ZFAND2B: variants seen among roughly 807,000 people sequenced by gnomAD.
The protein encoded by ZFAND2B is zinc finger AN1-type containing 2B, also known as AN1-type zinc finger protein 2B.
A neutral mutation model predicts 38.2 loss-of-function variants in ZFAND2B; 27 were observed. The ratio of observed to expected loss-of-function variants is 0.71; its 90% CI spans 0.52 to 0.97. The LOEUF is 0.97. ZFAND2B is among the 50% of genes least tolerant of loss of function. The pLI, the probability that ZFAND2B is intolerant of heterozygous loss-of-function variation, is 0.00. For synonymous variants in ZFAND2B, 111 were observed against 119.4 expected, an observed-to-expected ratio of 0.93 and a Z score of 0.46; for missense variants, 303 against 331.5, an observed-to-expected ratio of 0.91 and a Z score of 0.67.
intron 7 of ZFAND2B, 165 bp downstream of exon 7, chr2:219,208,804 C>G (rs1349412748): frequency 1.3e-4 from 137 of 1,019,608 alleles, no homozygotes; most frequent in South Asian, 1.5e-5. Context: ...ACCCATGGAG[C>G]CTTCATTTCC....
chr2:219,209,451 A>T lies in ZFAND2B; in HGVS notation c.*145A>T, dbSNP rs1449412889. The T allele has an allele frequency of 5.3e-6, 5 of 950,462 alleles. No homozygotes were observed. The highest frequency in any genetic ancestry group is 1.6e-5 in the African/African-American group (1 of 61,424). The allele number at this position is 950,462 out of a possible 1,614,324, so 58.9% of individuals were successfully genotyped here. On this transcript the variant is annotated 3_prime_UTR_variant, in exon 9 of 9. Coordinates refer to ENST00000289528, the MANE Select transcript of ZFAND2B (RefSeq NM_138802.3). ...GGAGGTCGCCCTGGGAGCCTCTGGA[A>T]GGCCTTGCTAGTGCTCCAGCTGCAT...
Position 219,207,954 on chromosome 2 carries a change from G to T in ZFAND2B, c.350G>T (p.Arg117Leu). Residue 117 changes from arginine to leucine, a missense_variant, in exon 4 of 9, where the codon CGC (arginine) becomes CTC (leucine). Transcript: ENST00000289528. ...GAAATGATGAAACTGACCTGTGAACGCTGTAGCCGAAACTTCTGCATCAAG... is the reference window on the plus strand; with the variant it reads ...GAAATGATGAAACTGACCTGTGAACTCTGTAGCCGAAACTTCTGCATCAAG... The part of the protein sequence containing the change: ...QREMMKLTCE[R>L]CSRNFCIKHR... 6.2e-7 allele frequency: 1 copy of T among 1,614,146 alleles called. No individual in the cohort carries two copies. Among genetic ancestry groups the T allele is most frequent in the Non-Finnish European group, 8.5e-7 (1 of 1,180,024 alleles).
intron 2 of ZFAND2B, 84 bp from the exon 3 acceptor site, chr2:219,207,564 G>T (rs541046019): frequency 7.5e-6 from 12 of 1,596,484 alleles, no homozygotes; most frequent in Non-Finnish European, 1.0e-5. Context: ...CGTGTTTGTG[G>T]TGGGTCATAT....
chr2:219,208,223 T>C (rs772321273), intron 4 of ZFAND2B, 33 bp from the exon 5 acceptor site: 1 of 1,612,962 alleles, frequency 6.2e-7, no homozygotes, highest in Admixed American at 1.7e-5. Flanking sequence ...GGCTAGTTCT[T>C]GGAGACATGC....
At position 219,206,861 on chromosome 2, in the gene ZFAND2B, C is replaced by A; in HGVS notation, c.-127C>A. On this transcript the variant is annotated 5_prime_UTR_variant, in exon 1 of 9. Transcript: ENST00000289528. ...GGGGGCTCCGGTAACCCGGGCTGGG[C>A]GGGGGAGAGGAAGGGGCGGGGCAGG... 2 of 1,054,696 alleles carry A rather than the reference C, an allele frequency of 1.9e-6. No homozygotes were observed. The highest frequency in any genetic ancestry group is 2.7e-6 in the Non-Finnish European group (2 of 750,238). The allele number at this position is 1,054,696 out of a possible 1,614,324, so 65.3% of individuals were successfully genotyped here.
At chr2:219,207,581 T>A in intron 2 of ZFAND2B, 67 bp from the exon 3 acceptor site, 1 of 1,602,708 alleles carries the variant, frequency 6.2e-7, no homozygotes, top group Non-Finnish European at 8.5e-7. Context: ...ATATCCAAGT[T>A]CTTTCAGGAC....
At chr2:219,207,579 G>C in intron 2 of ZFAND2B, 69 bp from the exon 3 acceptor site, 3 of 1,602,672 alleles carry the variant, frequency 1.9e-6, no homozygotes, top group Non-Finnish European at 2.6e-6. Flanking sequence ...TCATATCCAA[G>C]TTCTTTCAGG....
chr2:219,206,850 C>T lies in ZFAND2B; in HGVS notation c.-138C>T. The T allele has an allele frequency of 1.1e-6, 1 of 934,148 alleles. No individual in the cohort carries two copies. Among genetic ancestry groups the T allele is most frequent in the African/African-American group, 1.8e-5 (1 of 56,890 alleles). The allele number at this position is 934,148 out of a possible 1,614,324, so 57.9% of individuals were successfully genotyped here. On this transcript the variant is annotated 5_prime_UTR_variant, in exon 1 of 9. Transcript: ENST00000289528. The stretch of plus-strand genomic sequence containing the variant: ...CCGGCTGGCGCGGGGGCTCCGGTAA[C>T]CCGGGCTGGGCGGGGGAGAGGAAGG...
chr2:219,206,868 G>C lies in ZFAND2B; in HGVS notation c.-120G>C. 8.8e-7 allele frequency: 1 copy of C among 1,132,344 alleles called. No individual in the cohort carries two copies. The highest frequency in any genetic ancestry group is 1.2e-6 in the Non-Finnish European group (1 of 810,950). The allele number at this position is 1,132,344 out of a possible 1,614,324, so 70.1% of individuals were successfully genotyped here. On this transcript the variant is annotated 5_prime_UTR_variant, in exon 1 of 9. Transcript: ENST00000289528. ...CCGGTAACCCGGGCTGGGCGGGGGA[G>C]AGGAAGGGGCGGGGCAGGGAGCCCG... is the stretch of plus-strand genomic sequence containing the variant.
chr2:219,207,002 C>A lies in ZFAND2B; in HGVS notation c.15C>A (p.Asp5Glu). The change falls in exon 1 of 9, where the codon GAC becomes GAA. Residue 5 changes from aspartate (D) to glutamate (E), a missense_variant. By Grantham distance (45) the Asp-to-Glu change is conservative. Coordinates refer to ENST00000289528, the MANE Select transcript of ZFAND2B (RefSeq NM_138802.3). ...CCGGCTTGGCGATGGAGTTTCCGGACCTCGGCGCTCACTGTTCGGAGCCGA... is the reference window on the plus strand; with the variant it reads ...CCGGCTTGGCGATGGAGTTTCCGGAACTCGGCGCTCACTGTTCGGAGCCGA... Reference protein sequence around the residue: MEFPDLGAHCSEPSC... With the variant: MEFPELGAHCSEPSC... 1 of 1,612,124 alleles carries A rather than the reference C, an allele frequency of 6.2e-7. No individual in the cohort carries two copies. The highest frequency in any genetic ancestry group is 1.1e-5 in the South Asian group (1 of 90,788).
intron 1 of ZFAND2B, 71 bp from the exon 2 acceptor site, chr2:219,207,256 G>C: frequency 6.5e-7 from 1 of 1,532,284 alleles, no homozygotes; most frequent in African/African-American, 1.4e-5. Flanking sequence ...TCCTTCCCGA[G>C]TGGAAGACTT....
Position 219,207,747 on chromosome 2 carries a change from T to G in ZFAND2B, c.250T>G (p.Cys84Gly). 6.2e-7 allele frequency: 1 copy of G among 1,614,124 alleles called. No homozygotes were observed. The highest frequency in any genetic ancestry group is 8.5e-7 in the Non-Finnish European group (1 of 1,180,030). The stretch of plus-strand genomic sequence containing the variant: ...TGTGGGAGAGCACATTGACAGAGAC[T>G]GTCGCTCTGATCCAGCACAGCAAAA... ...RAVGEHIDRD[C>G]RSDPAQQKRK... Residue 84 changes from cysteine to glycine, a missense_variant, in exon 3 of 9, where the codon TGT (cysteine) becomes GGT (glycine). By Grantham distance (159) the Cys-to-Gly change is radical. Coordinates refer to ENST00000289528, the MANE Select transcript of ZFAND2B (RefSeq NM_138802.3).
In ZFAND2B at chr2:219,207,354, G is replaced by C; in HGVS notation, c.83G>C (p.Cys28Ser). ...TTTCTGCCGCTTAAGTGTGATGCCT[G>C]CTCAGGCATCTTCTGCGCAGACCAT... ...LDFLPLKCDA[C>S]SGIFCADHVA... The change falls in exon 2 of 9, where the codon TGC becomes TCC. Residue 28 changes from cysteine (C) to serine (S), a missense_variant. Cys to Ser is a moderately radical substitution (Grantham distance 112). Coordinates refer to ENST00000289528, the MANE Select transcript of ZFAND2B (RefSeq NM_138802.3). 6.2e-7 allele frequency: 1 copy of C among 1,613,952 alleles called. No homozygotes were observed. The highest frequency in any genetic ancestry group is 8.5e-7 in the Non-Finnish European group (1 of 1,179,800).
Position 219,209,306 on chromosome 2 carries a change from G to C in ZFAND2B, c.774G>C (p.Ter258TyrextTer52). The change falls in exon 9 of 9, where the codon TAG (stop) becomes TAC (tyrosine). Residue 258 changes from the stop codon to tyrosine (Y), a stop_lost. Transcript: ENST00000289528. ...SSKPSNCSLC[*>Y] ...AGCCGTCCAACTGCAGCCTGTGCTA[G>C]GGCCCTGGGCTTGGGGAGGGAGGTT... The C allele has an allele frequency of 6.2e-7, 1 of 1,610,550 alleles. No individual in the cohort carries two copies. The highest frequency in any genetic ancestry group is 1.1e-5 in the South Asian group (1 of 89,994).
At position 219,208,319 on chromosome 2, in the gene ZFAND2B, A is replaced by C; in HGVS notation, c.498A>C (p.Gln166His). Residue 166 changes from glutamine (Q) to histidine (H), a missense_variant, in exon 5 of 9, where the codon CAA becomes CAC. Physicochemically the swap from Gln to His is conservative, Grantham distance 24. Coordinates refer to ENST00000289528, the MANE Select transcript of ZFAND2B (RefSeq NM_138802.3). ...ASTSTVPSPS[Q>H]TMPSCTSPSR... ...CAAGCACTGTCCCCAGCCCAAGTCA[A>C]ACCATGCCTTCCTGTACCTCTCCCA... 6.2e-7 allele frequency: 1 copy of C among 1,614,148 alleles called. No individual in the cohort carries two copies.
rs779391985 is a variant in ZFAND2B at position 219,208,321 on chromosome 2, C to A, written c.500C>A (p.Thr167Asn). 6.2e-7 allele frequency: 1 copy of A among 1,614,194 alleles called. No homozygotes were observed. The highest frequency in any genetic ancestry group is 1.1e-5 in the South Asian group (1 of 91,088). The change falls in exon 5 of 9, where the codon ACC becomes AAC. Residue 167 changes from threonine (T) to asparagine (N), a missense_variant. Thr to Asn is a moderately conservative substitution (Grantham distance 65, BLOSUM62 0). Coordinates refer to ENST00000289528, the MANE Select transcript of ZFAND2B (RefSeq NM_138802.3). Reference sequence around the variant, plus strand: ...AGCACTGTCCCCAGCCCAAGTCAAACCATGCCTTCCTGTACCTCTCCCAGC... The same window carrying A: ...AGCACTGTCCCCAGCCCAAGTCAAAACATGCCTTCCTGTACCTCTCCCAGC... ...STSTVPSPSQ[T>N]MPSCTSPSRA... is the part of the protein sequence containing the mutation.
chr2:219,207,267 G>T, intron 1 of ZFAND2B, 60 bp from the exon 2 acceptor site: 2 of 1,558,588 alleles, frequency 1.3e-6, no homozygotes, highest in South Asian at 1.1e-5. Context: ...TGGAAGACTT[G>T]AGTGAGAGAG....
In ZFAND2B at chr2:219,206,990, GGA is replaced by G; in HGVS notation, c.5_6del (p.Glu2ValfsTer22). 1 of 1,612,558 alleles carries G rather than the reference GGA, an allele frequency of 6.2e-7. No homozygotes were observed. The highest frequency in any genetic ancestry group is 1.1e-5 in the South Asian group (1 of 90,860). On this transcript the variant is annotated frameshift_variant, in exon 1 of 9. Transcript: ENST00000289528. LOFTEE classifies it high-confidence loss of function. The stretch of plus-strand genomic sequence containing the variant: ...AGCAGACCCTGCCCGGCTTGGCGAT[GGA>G]GTTTCCGGACCTCGGCGCTCACTGT... M[E>X]FPDLGAHCSE... is the part of the protein sequence containing the mutation.
intron 2 of ZFAND2B, 73 bp downstream of exon 2, chr2:219,207,494 A>G: frequency 6.3e-7 from 1 of 1,584,946 alleles, no homozygotes; most frequent in East Asian, 2.3e-5. Context: ...TCTGTGTCTC[A>G]CGTTTCTTCT....
Sources: allele counts gnomAD v4.1 joint callset, GRCh38; gene constraint gnomAD v4.1.1; transcripts MANE v1.5; gene names NCBI Gene and HGNC (gene_info 2026-07-23, HGNC 2026-07-21).